DPP6: variants seen among roughly 807,000 people sequenced by gnomAD.
DPP6 encodes the protein A-type potassium channel modulatory protein DPP6.
A neutral mutation model predicts 122.6 loss-of-function variants in DPP6; 69 were observed. The observed-to-expected ratio is 0.56, with a 90% confidence interval of 0.46 to 0.69. The LOEUF (loss-of-function observed/expected upper bound fraction) is 0.69, where lower values mean the gene tolerates loss of function less well. Ranked by LOEUF, DPP6 falls within the 30% of genes least tolerant of loss-of-function variation. The probability of loss-of-function intolerance (pLI) is 0.00; values close to 1 mark genes in which losing one functional copy is unlikely to be tolerated. For missense variants in DPP6, 928 were observed against 1,116.9 expected (o/e 0.83, Z 2.41); for synonymous variants, 418 against 433.1 (o/e 0.97, Z 0.43).
At chr7:154,665,736 A>C (rs575683090) in intron 6 of DPP6, among the ~76,000 whole-genome samples, 3 of 152,204 alleles carry the variant, frequency 2.0e-5, no homozygotes, top group South Asian at 4.2e-4. Flanking sequence ...ATGGACACAC[A>C]CATATCTATA....
At chr7:153,791,424 C>CTTTTTTTTTTTTTTTTTTTT in the DPP6 span, among the ~76,000 whole-genome samples, 6 of 91,628 alleles carry the variant, frequency 6.5e-5, no homozygotes, top group African/African-American at 8.5e-5. Context: ...TCCTTCCTTT[C>CTTTTTTTTTTTTTTTTTTTT]TTTTTTTTTT....
At chr7:153,966,264 G>GGTT (rs1795711314) in intron 1 of DPP6, among the ~76,000 whole-genome samples, 1 of 151,202 alleles carries the variant, frequency 6.6e-6, no homozygotes, top group Non-Finnish European at 1.5e-5. Flanking sequence ...GTCAGCAATT[G>GGTT]CTTTGTGTGT....
chr7:153,781,637 G>A, the DPP6 span, among the ~76,000 whole-genome samples: 1 of 152,062 alleles, frequency 6.6e-6, no homozygotes, highest in Non-Finnish European at 1.5e-5. Flanking sequence ...CCCTTATTCT[G>A]CTGTCCTCAT....
At chr7:153,995,314 C>T (rs760291003) in intron 1 of DPP6, among the ~76,000 whole-genome samples, 3 of 152,140 alleles carry the variant, frequency 2.0e-5, no homozygotes, top group African/African-American at 4.8e-5. Context: ...GGGCTGGGCG[C>T]GGTGGCTTAT....
chr7:154,324,543 C>T (rs1232552949), intron 1 of DPP6, among the ~76,000 whole-genome samples: 1 of 152,206 alleles, frequency 6.6e-6, no homozygotes, highest in African/African-American at 2.4e-5. Context: ...AGCATGACCG[C>T]CGGGTCTCCC....
At chr7:153,875,156 A>G in the DPP6 span, among the ~76,000 whole-genome samples, 1 of 152,232 alleles carries the variant, frequency 6.6e-6, no homozygotes, top group African/African-American at 2.4e-5. Flanking sequence ...GGGAAATAGA[A>G]ATACTAATAA....
At chr7:154,596,238 C>T (rs1475798864) in intron 5 of DPP6, among the ~76,000 whole-genome samples, 1 of 152,198 alleles carries the variant, frequency 6.6e-6, no homozygotes. Context: ...ACCCAAATTA[C>T]AAAAACTATT....
chr7:154,370,890 A>G (rs1219683533), intron 1 of DPP6, among the ~76,000 whole-genome samples: 1 of 152,200 alleles, frequency 6.6e-6, no homozygotes, highest in Admixed American at 6.5e-5. Context: ...AGGCACAGCT[A>G]GTTTCCTAGC....
intron 1 of DPP6, among the ~76,000 whole-genome samples, chr7:153,927,416 A>T (rs1800951996): frequency 6.6e-6 from 1 of 152,256 alleles, no homozygotes; most frequent in African/African-American, 2.4e-5. Context: ...AATGTGATAT[A>T]TCAGCTTTAA....
intron 10 of DPP6, among the ~76,000 whole-genome samples, chr7:154,779,638 G>A (rs140613715): frequency 6.7e-4 from 102 of 152,294 alleles, no homozygotes; most frequent in Middle Eastern, 6.8e-3. Flanking sequence ...GTGGCACAAA[G>A]CTCATTTGGA....
At chr7:154,082,201 A>T (rs1482343700) in intron 1 of DPP6, among the ~76,000 whole-genome samples, 1 of 152,150 alleles carries the variant, frequency 6.6e-6, no homozygotes, top group Non-Finnish European at 1.5e-5. Flanking sequence ...TGAATAAATG[A>T]ATGAATAAAC....
At chr7:154,257,085 C>T (rs1054983757) in intron 1 of DPP6, among the ~76,000 whole-genome samples, 8 of 148,446 alleles carry the variant, frequency 5.4e-5, no homozygotes, top group Admixed American at 2.7e-4. Flanking sequence ...CAGCCTCAAT[C>T]TCCTGGACTC....
chr7:154,090,421 C>A (rs1480684423), intron 1 of DPP6, among the ~76,000 whole-genome samples: 6 of 152,174 alleles, frequency 3.9e-5, no homozygotes, highest in Non-Finnish European at 7.3e-5. Flanking sequence ...AATCCTCTTG[C>A]ATTTAGTTGA....
At position 153,887,674 on chromosome 7, in the gene DPP6, T is replaced by C. The variant is rs553289315; in HGVS notation, c.-10T>C. 1.2e-5 allele frequency: 20 copies of C among 1,613,852 alleles called. No homozygotes were observed. In the Admixed American group the frequency reaches 3.2e-4, roughly 26 times the overall value. ...CCTGGACCAGAAGTCGGGTTCGGAC[T>C]TGGGGCAAAATGAAGGAAAAGGCCA... On this transcript the variant is annotated 5_prime_UTR_variant, in exon 1 of 26. Coordinates refer to the DPP6 transcript ENST00000404039.
In DPP6 at chr7:154,879,444, G is replaced by A. The variant is rs1294419702; in HGVS notation, c.2079-1444G>A. 2.6e-4 allele frequency among the ~76,000 whole-genome samples: 35 copies of A among 134,954 alleles called. 4 individuals are homozygous for A. Among genetic ancestry groups the A allele is most frequent in the Middle Eastern group, 7.8e-3 (2 of 258 alleles). 88.5% of individuals were successfully genotyped at this position (134,954 alleles called of 152,430 possible). ...AAAAAAAAAAAAATACAAAAAATTA[G>A]CCGGGCGAGGTGGCGGGCACCTGTA... On this transcript the variant is annotated intron_variant, in intron 20 of 25. Transcript: ENST00000377770.
upstream of DPP6, among the ~76,000 whole-genome samples, chr7:154,047,624 G>A (rs1256830704): frequency 6.6e-6 from 1 of 151,400 alleles, no homozygotes; most frequent in East Asian, 1.9e-4. Context: ...AATGACAGGA[G>A]TTCGTGCCTC....
intron 2 of DPP6, among the ~76,000 whole-genome samples, chr7:154,460,224 C>T (rs566773757): frequency 4.6e-5 from 7 of 152,214 alleles, no homozygotes; most frequent in East Asian, 1.9e-4. Flanking sequence ...TCAGGTGATC[C>T]ACCCGCCTTG....
At chr7:154,708,958 G>A (rs959143894) in intron 7 of DPP6, among the ~76,000 whole-genome samples, 1 of 152,020 alleles carries the variant, frequency 6.6e-6, no homozygotes, top group Non-Finnish European at 1.5e-5. Flanking sequence ...TGAGGCAAGA[G>A]AATTGCTTGA....
the DPP6 span, among the ~76,000 whole-genome samples, chr7:153,798,835 TTCAGGTATTAGATTCTCATAAGGA>T: frequency 3.3e-5 from 5 of 152,196 alleles, no homozygotes; most frequent in African/African-American, 9.7e-5. Context: ...ACAACAGATC[TTCAGGTATTAGATTCTCATAAGGA>T]TCAGGTATTA....
Sources: gnomAD v4.1 joint callset for allele counts (sites outside exome capture counted in the v4.1 genomes callset) on GRCh38, gnomAD v4.1.1 for gene constraint, MANE v1.5 for transcripts, NCBI Gene and HGNC (gene_info 2026-07-23, HGNC 2026-07-21) for gene names.